ING3: variants seen among roughly 807,000 people sequenced by gnomAD.
ING3 encodes the protein inhibitor of growth protein 3.
A neutral mutation model predicts 64.8 loss-of-function variants in ING3; 6 were observed. That is an observed-to-expected ratio of 0.09 (90% confidence interval 0.05 to 0.18). The LOEUF (loss-of-function observed/expected upper bound fraction) is 0.18, where lower values mean the gene tolerates loss of function less well. ING3 is among the 10% of genes least tolerant of loss of function. The pLI, the probability that ING3 is intolerant of heterozygous loss-of-function variation, is 1.00. For synonymous variants in ING3, 170 were observed against 173.7 expected (o/e 0.98, Z 0.17); for missense variants, 310 against 489.7 (o/e 0.63, Z 3.46).
intron 8 of ING3, 42 bp from the exon 9 acceptor site, chr7:120,968,969 A>G (rs1469847607): frequency 2.5e-6 from 3 of 1,215,008 alleles, no homozygotes; most frequent in Non-Finnish European, 2.3e-6. Flanking sequence ...GAAAATCTAC[A>G]TATTTACATA....
At chr7:120,973,458 A>T (rs1418007544) in intron 11 of ING3, among the ~76,000 whole-genome samples, 2 of 151,594 alleles carry the variant, frequency 1.3e-5, no homozygotes, top group African/African-American at 4.8e-5. Context: ...TTATGGTTTT[A>T]TGTGCAGATT....
At chr7:120,954,890 T>G (rs1795823207) in intron 3 of ING3, among the ~76,000 whole-genome samples, 2 of 149,184 alleles carry the variant, frequency 1.3e-5, no homozygotes, top group African/African-American at 5.0e-5. Flanking sequence ...TAGCTGAACT[T>G]TAACAAAAAT....
At chr7:120,960,852 C>T (rs1197890902) in intron 4 of ING3, among the ~76,000 whole-genome samples, 9 of 152,192 alleles carry the variant, frequency 5.9e-5, no homozygotes, top group Admixed American at 5.9e-4. Context: ...TTGTGTTTCT[C>T]AGCCAGATGT....
At chr7:120,967,838 A>G (rs1796015855) in intron 7 of ING3, 96 bp from the exon 8 acceptor site, 2 of 1,359,342 alleles carry the variant, frequency 1.5e-6, no homozygotes, top group Non-Finnish European at 2.0e-6. Context: ...TAAAAATTTT[A>G]ATGATTATAT....
chr7:120,968,132 T>G (rs770282535), intron 8 of ING3, 41 bp downstream of exon 8: 1 of 1,567,890 alleles, frequency 6.4e-7, no homozygotes, highest in Non-Finnish European at 8.7e-7. Flanking sequence ...TTACATTTTG[T>G]CGGAATCATT....
At chr7:120,974,674 C>T in intron 11 of ING3, 54 bp from the exon 12 acceptor site, 5 of 948,308 alleles carry the variant, frequency 5.3e-6, no homozygotes, top group Non-Finnish European at 6.9e-6. Flanking sequence ...TTTTAATATA[C>T]TCTCTTGTCT....
At chr7:120,953,156 A>G (rs1340540200) in intron 2 of ING3, 148 bp from the exon 3 acceptor site, 3 of 475,936 alleles carry the variant, frequency 6.3e-6, no homozygotes, top group African/African-American at 2.1e-5. Flanking sequence ...GGCATTATAT[A>G]TTTACACAAT....
At chr7:120,955,416 C>A in intron 3 of ING3, 143 bp from the exon 4 acceptor site, 1 of 600,198 alleles carries the variant, frequency 1.7e-6, no homozygotes, top group Non-Finnish European at 2.9e-6. Context: ...GAGCCACTGC[C>A]CCTGGCCTCT....
At position 120,967,508 on chromosome 7, in the gene ING3, GA is replaced by G. The variant is rs1413010080; in HGVS notation, c.437-19del. Reference sequence around the variant, plus strand: ...AGTTCTCTAAAGTTTAAAAACACATGAATTTTTTATTTATATTTAGAAAGGA... The same window carrying G: ...AGTTCTCTAAAGTTTAAAAACACATGATTTTTTATTTATATTTAGAAAGGA... On this transcript the variant is annotated intron_variant, in intron 6 of 11. Coordinates refer to ENST00000315870, the MANE Select transcript of ING3 (RefSeq NM_019071.3). 6.7e-7 allele frequency: 1 copy of G among 1,486,308 alleles called. No homozygotes were observed. The highest frequency in any genetic ancestry group is 2.0e-5 in the Admixed American group (1 of 49,954). 92.1% of individuals were successfully genotyped at this position (1,486,308 alleles called of 1,614,324 possible).
At chr7:120,954,704 A>G (rs1242280904) in intron 3 of ING3, among the ~76,000 whole-genome samples, 1 of 152,186 alleles carries the variant, frequency 6.6e-6, no homozygotes, top group Non-Finnish European at 1.5e-5. Flanking sequence ...TGAAAAGTCT[A>G]GTACTCCATG....
At chr7:120,970,908 A>G in intron 10 of ING3, 28 bp downstream of exon 10, 3 of 1,501,304 alleles carry the variant, frequency 2.0e-6, no homozygotes, top group East Asian at 2.3e-5. Context: ...CTATAAAAGT[A>G]TAATCTGAAT....
chr7:120,951,308 C>A, intron 2 of ING3, 73 bp downstream of exon 2: 1 of 1,388,742 alleles, frequency 7.2e-7, no homozygotes, highest in Non-Finnish European at 1.0e-6. Context: ...TCACTGCTAG[C>A]GCCTAGTGCT....
intron 3 of ING3, among the ~76,000 whole-genome samples, chr7:120,954,163 C>G (rs182496246): frequency 3.9e-5 from 6 of 152,176 alleles, no homozygotes. Context: ...TGGTGGCTCA[C>G]ACCCATAATC....
At chr7:120,959,392 T>G (rs551433918) in intron 4 of ING3, among the ~76,000 whole-genome samples, 14 of 152,316 alleles carry the variant, frequency 9.2e-5, no homozygotes, top group South Asian at 4.1e-4. Context: ...ATACGTTAAT[T>G]ATTCCTGAAG....
At position 120,976,981 on chromosome 7, in the gene ING3, A is replaced by G. The variant is rs1796142997; in HGVS notation, c.*2137A>G. 6.6e-6 allele frequency: 1 copy of G among 152,210 alleles called. No individual in the cohort carries two copies. Among genetic ancestry groups the G allele is most frequent in the Non-Finnish European group, 1.5e-5 (1 of 68,020 alleles). The allele number at this position is 152,210 out of a possible 1,614,324, so 9.4% of individuals were successfully genotyped here. On this transcript the variant is annotated 3_prime_UTR_variant, in exon 12 of 12. Coordinates refer to ENST00000315870, the MANE Select transcript of ING3 (RefSeq NM_019071.3). Reference sequence around the variant, plus strand: ...CAACCCCCCAAAAATGTGGCCAACTATTAATATTCTTTGTGACATTTACAC... The same window carrying G: ...CAACCCCCCAAAAATGTGGCCAACTGTTAATATTCTTTGTGACATTTACAC...
intron 5 of ING3, among the ~76,000 whole-genome samples, chr7:120,965,056 T>A (rs549322242): frequency 4.3e-4 from 66 of 152,276 alleles, no homozygotes; most frequent in Middle Eastern, 3.4e-3. Context: ...AAACAACATA[T>A]TAAATCATTT....
Position 120,953,337 on chromosome 7 carries a change from A to G in ING3, c.134A>G (p.Glu45Gly). 1 of 1,605,694 alleles carries G rather than the reference A, an allele frequency of 6.2e-7. No homozygotes were observed. Among genetic ancestry groups the G allele is most frequent in the East Asian group, 2.3e-5 (1 of 44,390 alleles). ...GATCAACTAGAACAAAGAGTCAGTG[A>G]ATTCTTTATGAATGCAAAGAAAAAT... Reference protein sequence around the residue: ...AMDQLEQRVSEFFMNAKKNKP... With the variant: ...AMDQLEQRVSGFFMNAKKNKP... The change falls in exon 3 of 12, where the codon GAA (glutamate) becomes GGA (glycine). Residue 45 changes from glutamate (E) to glycine (G), a missense_variant. By Grantham distance (98) the Glu-to-Gly change is moderately conservative. Around this residue, in one of 3 missense-constraint regions of ING3, gnomAD observed 53 missense variants for 116.2 expected, o/e 0.46. Transcript: ENST00000315870.
chr7:120,968,173 C>A, intron 8 of ING3, 82 bp downstream of exon 8: 1 of 1,220,330 alleles, frequency 8.2e-7, no homozygotes, highest in Non-Finnish European at 1.1e-6. Context: ...GGGATGTGAA[C>A]AAATAGTTTT....
intron 11 of ING3, among the ~76,000 whole-genome samples, chr7:120,973,600 C>T (rs1251746967): frequency 6.6e-6 from 1 of 152,096 alleles, no homozygotes; most frequent in Non-Finnish European, 1.5e-5. Context: ...TTCATTCTTT[C>T]AGGCTGCACC....
Sources: allele counts gnomAD v4.1 joint callset (sites outside exome capture counted in the v4.1 genomes callset), GRCh38; gene constraint gnomAD v4.1.1; regional missense constraint gnomAD v4.1.1; transcripts MANE v1.5; gene names NCBI Gene and HGNC (gene_info 2026-07-23, HGNC 2026-07-21).